KATNBL1: variants seen among roughly 807,000 people sequenced by gnomAD.
KATNBL1 encodes KATNB1-like protein 1.
Under a neutral mutation model 44.7 loss-of-function variants are expected in KATNBL1, and 28 were observed. The ratio of observed to expected loss-of-function variants is 0.63; its 90% CI spans 0.46 to 0.86. The LOEUF (loss-of-function observed/expected upper bound fraction) is 0.86. KATNBL1 is among the 40% of genes least tolerant of loss of function. KATNBL1 has a pLI of 0.00. For missense variants in KATNBL1, 272 were observed against 350.7 expected, an observed-to-expected ratio of 0.78 and a Z score of 1.79; for synonymous variants, 78 against 114.9, an observed-to-expected ratio of 0.68 and a Z score of 2.06.
intron 1 of KATNBL1, among the ~76,000 whole-genome samples, chr15:34,200,030 T>C (rs1890137869): frequency 1.3e-5 from 2 of 151,118 alleles, no homozygotes; most frequent in East Asian, 4.6e-4. Flanking sequence ...TGCTGGTCTA[T>C]TTTTACAGAA....
At chr15:34,184,341 C>A (rs1351418437) in intron 1 of KATNBL1, among the ~76,000 whole-genome samples, 1 of 149,590 alleles carries the variant, frequency 6.7e-6, no homozygotes, top group Admixed American at 6.7e-5. Context: ...GTGGTGCGCA[C>A]CTGTGGTCTC....
intron 1 of KATNBL1, among the ~76,000 whole-genome samples, chr15:34,186,348 T>C (rs1889716094): frequency 6.6e-6 from 1 of 152,222 alleles, no homozygotes; most frequent in African/African-American, 2.4e-5. Context: ...CCAGGTCTCC[T>C]GCTTTACTGA....
intron 4 of KATNBL1, among the ~76,000 whole-genome samples, chr15:34,151,351 A>G (rs1310799074): frequency 6.8e-6 from 1 of 148,048 alleles, no homozygotes; most frequent in African/African-American, 2.5e-5. Flanking sequence ...TTTTAGGTTT[A>G]GCATTTAGGC....
At chr15:34,181,870 C>CATATATATATATATATATATATATATAT (rs374057022) in intron 1 of KATNBL1, among the ~76,000 whole-genome samples, 15 of 73,064 alleles carry the variant, frequency 2.1e-4, no homozygotes, top group Non-Finnish European at 3.5e-4. Flanking sequence ...TATATATATC[C>CATATATATATATATATATATATATATAT]ATATATATAT....
chr15:34,176,682 T>TAC (rs1889343644), intron 1 of KATNBL1, among the ~76,000 whole-genome samples: 1 of 152,202 alleles, frequency 6.6e-6, no homozygotes, highest in African/African-American at 2.4e-5. Context: ...CAGTAAATTG[T>TAC]ACATTTTGGT....
chr15:34,155,638 T>C (rs1443157454), intron 2 of KATNBL1, among the ~76,000 whole-genome samples: 3 of 152,210 alleles, frequency 2.0e-5, no homozygotes, highest in African/African-American at 7.2e-5. Flanking sequence ...GGTACAACAC[T>C]GAGTTTTAAT....
intron 1 of KATNBL1, among the ~76,000 whole-genome samples, chr15:34,195,690 CAAA>C (rs5811824): frequency 6.6e-4 from 74 of 111,436 alleles, no homozygotes; most frequent in African/African-American, 2.6e-3. Flanking sequence ...GACGCCATCT[CAAA>C]AAAAAAAAAA....
At chr15:34,190,014 G>A (rs964548731) in intron 1 of KATNBL1, among the ~76,000 whole-genome samples, 11 of 151,090 alleles carry the variant, frequency 7.3e-5, no homozygotes, top group Admixed American at 4.0e-4. Flanking sequence ...GCACGATCTC[G>A]GCTCACTGCA....
At chr15:34,156,560 T>G (rs1179539802) in intron 2 of KATNBL1, among the ~76,000 whole-genome samples, 1 of 152,216 alleles carries the variant, frequency 6.6e-6, no homozygotes, top group African/African-American at 2.4e-5. Flanking sequence ...GGACTTTGAC[T>G]TCTACAATAG....
intron 1 of KATNBL1, among the ~76,000 whole-genome samples, chr15:34,166,316 A>T (rs1022916436): frequency 6.6e-6 from 1 of 152,228 alleles, no homozygotes; most frequent in African/African-American, 2.4e-5. Context: ...TCCCACGCCC[A>T]CGGAGCCTTG....
At chr15:34,165,259 G>T (rs578090488) in intron 1 of KATNBL1, among the ~76,000 whole-genome samples, 9 of 152,284 alleles carry the variant, frequency 5.9e-5, no homozygotes, top group Middle Eastern at 3.4e-3. Flanking sequence ...CGACTTAAAT[G>T]AGGCTAGAGA....
chr15:34,196,450 G>T (rs1454462393), intron 1 of KATNBL1, among the ~76,000 whole-genome samples: 1 of 151,034 alleles, frequency 6.6e-6, no homozygotes, highest in Non-Finnish European at 1.5e-5. Context: ...TAAATGACTG[G>T]GCGCGGTGCC....
chr15:34,187,024 C>T (rs1335884703), intron 1 of KATNBL1, among the ~76,000 whole-genome samples: 2 of 152,182 alleles, frequency 1.3e-5, no homozygotes, highest in African/African-American at 2.4e-5. Flanking sequence ...CACAGCAGGG[C>T]GGAGGATGCC....
chr15:34,150,675 G>C, intron 4 of KATNBL1, among the ~76,000 whole-genome samples: 1 of 152,204 alleles, frequency 6.6e-6, no homozygotes, highest in East Asian at 1.9e-4. Flanking sequence ...TGCATGTTGT[G>C]GGGGTTTGGT....
intron 1 of KATNBL1, among the ~76,000 whole-genome samples, chr15:34,171,141 A>G (rs1889145819): frequency 1.3e-5 from 2 of 152,240 alleles, no homozygotes; most frequent in Non-Finnish European, 2.9e-5. Flanking sequence ...CATCAGAGTG[A>G]ACAGGCAGCC....
At chr15:34,183,984 C>G (rs1889640039) in intron 1 of KATNBL1, among the ~76,000 whole-genome samples, 1 of 152,136 alleles carries the variant, frequency 6.6e-6, no homozygotes, top group Non-Finnish European at 1.5e-5. Flanking sequence ...GCCTGGCCAA[C>G]ATGGTGAAAC....
At chr15:34,206,643 T>C (rs1890299104) in intron 1 of KATNBL1, among the ~76,000 whole-genome samples, 1 of 151,970 alleles carries the variant, frequency 6.6e-6, no homozygotes, top group African/African-American at 2.4e-5. Context: ...ATACAAAAAT[T>C]ACCCGGGCGT....
intron 1 of KATNBL1, chr15:34,199,777 T>C (rs1203494376): frequency 6.6e-6 from 1 of 152,184 alleles, no homozygotes; most frequent in East Asian, 1.9e-4. Flanking sequence ...GTTCCAGCTC[T>C]TAAAGGTGAT....
At chr15:34,204,814 A>G (rs1890251232) in intron 1 of KATNBL1, among the ~76,000 whole-genome samples, 1 of 151,758 alleles carries the variant, frequency 6.6e-6, no homozygotes, top group Non-Finnish European at 1.5e-5. Flanking sequence ...GGAAAAGAAT[A>G]AAAAGGTAGT....
Sources: gnomAD v4.1 joint callset for allele counts (sites outside exome capture counted in the v4.1 genomes callset) on GRCh38, gnomAD v4.1.1 for gene constraint, MANE v1.5 for transcripts, NCBI Gene and HGNC (gene_info 2026-07-23, HGNC 2026-07-21) for gene names.